The following RPS6KA6 variants were observed in gnomAD, a reference collection of about 807,000 sequenced individuals.
RPS6KA6 encodes ribosomal protein S6 kinase alpha-6.
RPS6KA6 carries 27 observed loss-of-function variants against 65.4 expected under a neutral mutation model. That is an observed-to-expected ratio of 0.41 (90% CI 0.30 to 0.57). The LOEUF (loss-of-function observed/expected upper bound fraction) is 0.57, where lower values mean the gene tolerates loss of function less well. Ranked by LOEUF, RPS6KA6 falls within the 20% of genes least tolerant of loss-of-function variation. The probability of loss-of-function intolerance (pLI) is 0.24; values close to 1 mark genes in which losing one functional copy is unlikely to be tolerated. For missense variants in RPS6KA6, 486 were observed against 555.6 expected (o/e 0.87, Z 1.26); for synonymous variants, 190 against 184.2 (o/e 1.03, Z -0.26).
At chrX:84,086,116 G>C (rs2033915755) in intron 20 of RPS6KA6, among the ~76,000 whole-genome samples, 1 of 110,691 alleles carries the variant, frequency 9.0e-6, no homozygotes, top group African/African-American at 3.3e-5. Context: ...ATCAGCCCCT[G>C]GTTTTGTTGA....
At chrX:84,105,066 T>G (rs2034331137) in intron 16 of RPS6KA6, among the ~76,000 whole-genome samples, 1 of 110,842 alleles carries the variant, frequency 9.0e-6, no homozygotes, top group African/African-American at 3.3e-5. Context: ...TTCCCTCAGT[T>G]CATTATCTGA....
intron 2 of RPS6KA6, among the ~76,000 whole-genome samples, chrX:84,156,593 T>A (rs1007741242): frequency 9.0e-6 from 1 of 111,582 alleles, no homozygotes; most frequent in African/African-American, 3.3e-5. Context: ...AGAGCTTTTT[T>A]AAATAGTATT....
chrX:84,081,167 A>T lies in RPS6KA6; in HGVS notation c.1971+15027T>A, dbSNP rs1251615589. 2.7e-5 allele frequency among the ~76,000 whole-genome samples: 3 copies of T among 111,967 alleles called. No homozygotes were observed. In the East Asian group the frequency reaches 8.4e-4, roughly 31 times the overall value. On this transcript the variant is annotated intron_variant, in intron 20 of 21. Transcript: ENST00000262752. ...CAGAGACACGAAAACCCTTCAAAAA[A>T]TCAATGAATCCAGGAGCTGGTTTTT...
rs1483796011 is a variant in RPS6KA6 at position 84,165,634 on chromosome X, A to G, written c.82-1247T>C. ...GAGCCTGTAAACATAAGGAGAATCCAAGATTCCCCATGTACACACTTTCTC... is the reference window on the plus strand; with the variant it reads ...GAGCCTGTAAACATAAGGAGAATCCGAGATTCCCCATGTACACACTTTCTC... On this transcript the variant is annotated intron_variant, in intron 1 of 21. Coordinates refer to ENST00000262752, the MANE Select transcript of RPS6KA6 (RefSeq NM_014496.5). Among the ~76,000 whole-genome samples, 6 of 111,385 alleles carry G rather than the reference A, an allele frequency of 5.4e-5. No individual in the cohort carries two copies. In the East Asian group the frequency reaches 1.7e-3, roughly 32 times the overall value.
intron 1 of RPS6KA6, among the ~76,000 whole-genome samples, chrX:84,175,966 A>T (rs902485694): frequency 9.0e-6 from 1 of 111,643 alleles, no homozygotes; most frequent in African/African-American, 3.2e-5. Flanking sequence ...AAAAAATCCA[A>T]TTATCATCAT....
chrX:84,127,813 G>A, intron 8 of RPS6KA6, among the ~76,000 whole-genome samples: 1 of 109,382 alleles, frequency 9.1e-6, no homozygotes, highest in South Asian at 3.9e-4. Flanking sequence ...GGTATAGAAG[G>A]AACATGCTTC....
At chrX:84,187,715 G>A in intron 1 of RPS6KA6, 104 bp downstream of exon 1, 5 of 786,635 alleles carry the variant, frequency 6.4e-6, no homozygotes, top group Non-Finnish European at 9.0e-6. Flanking sequence ...TTGCCCGGGA[G>A]CCCGCTTCCC....
intron 4 of RPS6KA6, among the ~76,000 whole-genome samples, chrX:84,147,543 C>A (rs955905590): frequency 9.0e-6 from 1 of 111,475 alleles, no homozygotes; most frequent in Non-Finnish European, 1.9e-5. Context: ...CTGGGCTGGG[C>A]TCAAGGGTTC....
chrX:84,080,123 C>T (rs1225625973), intron 20 of RPS6KA6, among the ~76,000 whole-genome samples: 2 of 108,160 alleles, frequency 1.8e-5, no homozygotes, highest in Admixed American at 9.9e-5. Flanking sequence ...TACAGGAGAG[C>T]TCTGGCTGGC....
intron 1 of RPS6KA6, among the ~76,000 whole-genome samples, chrX:84,184,212 A>G (rs1164619267): frequency 8.9e-6 from 1 of 112,351 alleles, no homozygotes; most frequent in African/African-American, 3.2e-5. Flanking sequence ...CACTATACTT[A>G]GATGAAATGA....
Position 84,064,025 on chromosome X carries a change from GAGA to G in RPS6KA6, c.*249_*251del, listed in dbSNP as rs200378886. ...AAGGAATTTTAGAAGCTTGTGTGCA[GAGA>G]AGTTGTGAGGACCTGGTGGACACCA... On this transcript the variant is annotated 3_prime_UTR_variant, in exon 22 of 22. Coordinates refer to ENST00000262752, the MANE Select transcript of RPS6KA6 (RefSeq NM_014496.5). 4.1e-3 allele frequency: 1,148 copies of G among 282,215 alleles called. 10 individuals carry two copies. The highest frequency in any genetic ancestry group is 0.029 in the African/African-American group (1,059 of 36,537). 23.3% of individuals were successfully genotyped at this position (282,215 alleles called of 1,213,427 possible).
intron 12 of RPS6KA6, among the ~76,000 whole-genome samples, chrX:84,113,871 G>T (rs970746661): frequency 1.8e-5 from 2 of 111,408 alleles, no homozygotes; most frequent in East Asian, 2.8e-4. Context: ...ATATGATACT[G>T]AGAAAACAGA....
rs1032762511 is a variant in RPS6KA6, at chrX:84,065,255, C to T, written c.1972-144G>A. 16 of 364,048 alleles carry T rather than the reference C, an allele frequency of 4.4e-5. No individual in the cohort carries two copies. The Admixed American group carries it at 5.3e-4, about 12-fold the overall frequency. 30.0% of individuals were successfully genotyped at this position (364,048 alleles called of 1,213,427 possible). ...TGCAAAGTAAAATCTATACTCTACA[C>T]AGTTAACTCTCAAGAGAATCTTGAG... On this transcript the variant is annotated intron_variant, in intron 20 of 21. Transcript: ENST00000262752.
chrX:84,181,900 T>C (rs1313713940), intron 1 of RPS6KA6, among the ~76,000 whole-genome samples: 1 of 111,261 alleles, frequency 9.0e-6, no homozygotes. Flanking sequence ...ATATATCTCC[T>C]ACTTTGTTTT....
At position 84,064,042 on chromosome X, in the gene RPS6KA6, T is replaced by A; in HGVS notation, c.*235A>T. ...TGTGTGCAGAGAAGTTGTGAGGACC[T>A]GGTGGACACCAATTATATGCTTAAA... is the stretch of plus-strand genomic sequence containing the variant. On this transcript the variant is annotated 3_prime_UTR_variant, in exon 22 of 22. Transcript: ENST00000262752. The A allele has an allele frequency of 3.2e-6, 1 of 314,929 alleles. No individual in the cohort carries two copies. Among genetic ancestry groups the A allele is most frequent in the Non-Finnish European group, 5.5e-6 (1 of 183,195 alleles). 26.0% of individuals were successfully genotyped at this position (314,929 alleles called of 1,213,427 possible). A position where few individuals can be genotyped will look rare whatever the true frequency, so the allele number is the denominator to read the frequency against.
At position 84,062,468 on chromosome X, in the gene RPS6KA6, T is replaced by A. The variant is rs1014186387; in HGVS notation, c.*1809A>T. On this transcript the variant is annotated 3_prime_UTR_variant, in exon 22 of 22. Transcript: ENST00000262752. ...GAATATATGCTTACAAACTGTTACA[T>A]GCAAGTACATATAGTAATAAAGCAA... The A allele has an allele frequency of 9.0e-6, 1 of 110,618 alleles. No homozygotes were observed. Among genetic ancestry groups the A allele is most frequent in the African/African-American group, 3.3e-5 (1 of 30,438 alleles). 9.1% of individuals were successfully genotyped at this position (110,618 alleles called of 1,213,427 possible).
intron 1 of RPS6KA6, among the ~76,000 whole-genome samples, chrX:84,176,526 G>T (rs978169940): frequency 2.7e-5 from 3 of 111,859 alleles, no homozygotes; most frequent in African/African-American, 9.7e-5. Flanking sequence ...GAAGTACTTT[G>T]TCTAGAACAC....
At chrX:84,065,964 A>G (rs73515431) in intron 20 of RPS6KA6, among the ~76,000 whole-genome samples, 2,130 of 110,933 alleles carry the variant, frequency 0.019, 52 homozygotes, top group African/African-American at 0.066. Flanking sequence ...CAACTCACGG[A>G]GGGTGAGCAG....
chrX:84,146,578 C>T (rs1249724572), intron 5 of RPS6KA6, among the ~76,000 whole-genome samples: 2 of 111,532 alleles, frequency 1.8e-5, no homozygotes, highest in African/African-American at 3.2e-5. Context: ...AGTAGACTAA[C>T]ATAACTACAT....
Sources: allele counts gnomAD v4.1 joint callset (sites outside exome capture counted in the v4.1 genomes callset), GRCh38; gene constraint gnomAD v4.1.1; transcripts MANE v1.5; gene names NCBI Gene and HGNC (gene_info 2026-07-23, HGNC 2026-07-21).